NTRK2: variants seen among roughly 807,000 people sequenced by gnomAD.
NTRK2 encodes neurotrophic receptor tyrosine kinase 2, also known as BDNF/NT-3 growth factors receptor.
A neutral mutation model predicts 94.5 loss-of-function variants in NTRK2; 13 were observed. That is an observed-to-expected ratio of 0.14 (90% CI 0.09 to 0.22). NTRK2 has a LOEUF of 0.22. Ranked by LOEUF, NTRK2 falls within the 10% of genes least tolerant of loss-of-function variation. NTRK2 has a pLI of 1.00. For missense variants in NTRK2, 639 were observed against 1,071.2 expected (o/e 0.60, Z 5.63); for synonymous variants, 372 against 407.4 (o/e 0.91, Z 1.05).
intron 12 of NTRK2, among the ~76,000 whole-genome samples, chr9:84,849,913 G>C (rs2074672163): frequency 6.6e-6 from 1 of 152,184 alleles, no homozygotes; most frequent in Non-Finnish European, 1.5e-5. Flanking sequence ...CCTGCTTGAT[G>C]CTGTTGTATC....
At chr9:84,816,419 G>A (rs1334315333) in intron 12 of NTRK2, among the ~76,000 whole-genome samples, 5 of 151,942 alleles carry the variant, frequency 3.3e-5, no homozygotes, top group Non-Finnish European at 7.4e-5. Context: ...TCAGACTTAG[G>A]GATTGGAAAA....
intron 12 of NTRK2, among the ~76,000 whole-genome samples, chr9:84,790,826 A>G (rs962880353): frequency 2.6e-5 from 4 of 152,198 alleles, no homozygotes; most frequent in African/African-American, 9.6e-5. Flanking sequence ...GTGATAGCCA[A>G]TCTGTTCTGA....
intron 9 of NTRK2, among the ~76,000 whole-genome samples, chr9:84,734,665 A>G (rs2063127377): frequency 6.6e-6 from 1 of 152,144 alleles, no homozygotes; most frequent in Non-Finnish European, 1.5e-5. Context: ...TGATGGTTTG[A>G]TGAAAGGAAG....
At chr9:84,911,799 T>G (rs2132492632) in intron 14 of NTRK2, among the ~76,000 whole-genome samples, 1 of 152,228 alleles carries the variant, frequency 6.6e-6, no homozygotes, top group South Asian at 2.1e-4. Context: ...CTCTGCTTGT[T>G]TTGGGTTTAT....
intron 14 of NTRK2, chr9:84,874,720 G>A (rs901040181): frequency 1.9e-6 from 2 of 1,061,812 alleles, no homozygotes; most frequent in Non-Finnish European, 2.3e-6. Flanking sequence ...AAGAGCCACT[G>A]CCCTCTGAGA....
At chr9:84,979,545 G>A (rs1827320691) in intron 17 of NTRK2, among the ~76,000 whole-genome samples, 1 of 152,154 alleles carries the variant, frequency 6.6e-6, no homozygotes, top group East Asian at 1.9e-4. Context: ...TCCTGGTGAA[G>A]GTGTTGTAAA....
chr9:84,915,355 C>A (rs756493743), intron 14 of NTRK2, among the ~76,000 whole-genome samples: 1 of 152,168 alleles, frequency 6.6e-6, no homozygotes, highest in Non-Finnish European at 1.5e-5. Flanking sequence ...TGTGGGGATG[C>A]GGCCCTCATG....
In NTRK2 at chr9:85,023,768, C is replaced by T. The variant is rs1019260122; in HGVS notation, c.*2331C>T. The stretch of plus-strand genomic sequence containing the variant: ...AGGAAGGGGCAGATTTGTACAAAAA[C>T]TTTTCTAGATTCCATCAGCAAAAAC... On this transcript the variant is annotated 3_prime_UTR_variant, in exon 19 of 19. Coordinates refer to ENST00000277120, the MANE Select transcript of NTRK2 (RefSeq NM_006180.6). 56 of 230,844 alleles carry T rather than the reference C, an allele frequency of 2.4e-4. No individual in the cohort carries two copies. The highest frequency in any genetic ancestry group is 1.2e-3 in the African/African-American group (52 of 45,176). The allele number at this position is 230,844 out of a possible 1,614,324, so 14.3% of individuals were successfully genotyped here.
rs1487773918 is a variant in NTRK2 at position 84,808,180 on chromosome 9, A to G, written c.1397-52860A>G. ...GCAGTTGCATCCTGAGTGGATGGCA[A>G]TGGTCCAGTAGAACCGTCATCTGGC... is the stretch of plus-strand genomic sequence containing the variant. On this transcript the variant is annotated intron_variant, in intron 12 of 18. Transcript: ENST00000277120. Among the ~76,000 whole-genome samples, 3 of 152,324 alleles carry G rather than the reference A, an allele frequency of 2.0e-5. No homozygotes were observed. The South Asian group carries it at 6.2e-4, about 32-fold the overall frequency.
At chr9:84,877,755 G>A (rs1358908308) in intron 14 of NTRK2, 25 of 1,056,262 alleles carry the variant, frequency 2.4e-5, no homozygotes, top group Non-Finnish European at 2.6e-5. Context: ...GCTTGCCCAC[G>A]TGTATGTATG....
intron 17 of NTRK2, among the ~76,000 whole-genome samples, chr9:84,988,969 G>A (rs899794231): frequency 6.6e-6 from 1 of 152,242 alleles, no homozygotes; most frequent in African/African-American, 2.4e-5. Context: ...CTTTAAATCT[G>A]ATAGTTGGAT....
intron 14 of NTRK2, chr9:84,873,217 G>C (rs2075933127): frequency 9.4e-7 from 1 of 1,061,506 alleles, no homozygotes; most frequent in Non-Finnish European, 1.1e-6. Context: ...TTAATGTTTT[G>C]TCTTTCAAAA....
At chr9:84,840,705 C>T (rs142407167) in intron 12 of NTRK2, among the ~76,000 whole-genome samples, 74 of 152,276 alleles carry the variant, frequency 4.9e-4, no homozygotes, top group Admixed American at 7.2e-4. Flanking sequence ...CAATCTAGCG[C>T]GCTGTTCTCC....
intron 17 of NTRK2, among the ~76,000 whole-genome samples, chr9:84,989,576 T>C (rs1475325881): frequency 6.6e-6 from 1 of 152,218 alleles, no homozygotes; most frequent in African/African-American, 2.4e-5. Context: ...TCCCACTTTT[T>C]TCAAGAACTG....
chr9:84,965,189 T>C (rs1324295980), intron 17 of NTRK2, among the ~76,000 whole-genome samples: 1 of 152,234 alleles, frequency 6.6e-6, no homozygotes. Context: ...ATATTAGTAA[T>C]GCTACCCACT....
At chr9:84,808,468 A>G (rs751563192) in intron 12 of NTRK2, among the ~76,000 whole-genome samples, 6 of 152,178 alleles carry the variant, frequency 3.9e-5, no homozygotes, top group Non-Finnish European at 7.4e-5. Context: ...TCCTGTTTTT[A>G]TTGACAAAGT....
chr9:84,851,804 A>G (rs777577633), intron 12 of NTRK2, among the ~76,000 whole-genome samples: 1 of 152,224 alleles, frequency 6.6e-6, no homozygotes, highest in Non-Finnish European at 1.5e-5. Flanking sequence ...TCCATAATAC[A>G]ATGGCAAAAA....
intron 14 of NTRK2, among the ~76,000 whole-genome samples, chr9:84,926,902 T>C (rs2077842268): frequency 6.6e-6 from 1 of 152,224 alleles, no homozygotes; most frequent in African/African-American, 2.4e-5. Flanking sequence ...ATGCAATGCC[T>C]TGGGTGAAGA....
chr9:84,685,074 C>G (rs1439191007), intron 2 of NTRK2, among the ~76,000 whole-genome samples: 2 of 151,546 alleles, frequency 1.3e-5, no homozygotes, highest in African/African-American at 4.8e-5. Context: ...TTTTCTTCTA[C>G]TACTTTTACT....
Sources: gnomAD v4.1 joint callset for allele counts (sites outside exome capture counted in the v4.1 genomes callset) on GRCh38, gnomAD v4.1.1 for gene constraint, MANE v1.5 for transcripts, NCBI Gene and HGNC (gene_info 2026-07-23, HGNC 2026-07-21) for gene names.